The following LDLRAD2 variants were observed in gnomAD, a reference collection of about 807,000 sequenced individuals.
The protein encoded by LDLRAD2 is low-density lipoprotein receptor class A domain-containing protein 2.
LDLRAD2 carries 25 observed loss-of-function variants against 24.9 expected under a neutral mutation model. That is an observed-to-expected ratio of 1.00 (90% CI 0.73 to 1.40). LDLRAD2 has a LOEUF of 1.40. LDLRAD2 is among the 40% of genes most tolerant of loss of function. The probability of loss-of-function intolerance (pLI) is 0.00; values close to 1 mark genes in which losing one functional copy is unlikely to be tolerated. For synonymous variants in LDLRAD2, 182 were observed against 166.7 expected, an observed-to-expected ratio of 1.09 and a Z score of -0.71; for missense variants, 391 against 366.2, an observed-to-expected ratio of 1.07 and a Z score of -0.55.
Position 21,812,399 on chromosome 1 carries a change from C to T in LDLRAD2, c.-53C>T. ...CCATACTCCAGTCTCCCCAGAGACC[C>T]CAAGCTGAAGATTCTGTGGGTCTGC... On this transcript the variant is annotated 5_prime_UTR_variant, in exon 1 of 5. Transcript: ENST00000344642. The T allele has an allele frequency of 6.7e-7, 1 of 1,487,172 alleles. No homozygotes were observed. Among genetic ancestry groups the T allele is most frequent in the Non-Finnish European group, 9.4e-7 (1 of 1,066,464 alleles). The allele number at this position is 1,487,172 out of a possible 1,614,324, so 92.1% of individuals were successfully genotyped here. A position where few individuals can be genotyped will look rare whatever the true frequency, so the allele number is the denominator to read the frequency against.
chr1:21,820,472 G>T (rs1379321114), intron 3 of LDLRAD2, among the ~76,000 whole-genome samples: 6 of 139,734 alleles, frequency 4.3e-5, no homozygotes, highest in South Asian at 2.3e-4. Context: ...GCAGTGAGCC[G>T]AGATCCTGCC....
At chr1:21,818,877 G>GC (rs1192734914) in intron 3 of LDLRAD2, among the ~76,000 whole-genome samples, 1 of 33,214 alleles carries the variant, frequency 3.0e-5, no homozygotes, top group Non-Finnish European at 6.3e-5. Flanking sequence ...CCCGCCCCCC[G>GC]CCCCACCCCT....
Position 21,812,538 on chromosome 1 carries a change from T to C in LDLRAD2, c.85+2T>C, listed in dbSNP as rs2097939519. 1 of 1,613,690 alleles carries C rather than the reference T, an allele frequency of 6.2e-7. No homozygotes were observed. The highest frequency in any genetic ancestry group is 1.3e-5 in the African/African-American group (1 of 74,926). ...TGACTGCAACTGCTTTGGAGACAGG[T>C]AAGTATCAGGGGGCTTGGTTGGGGC... On this transcript the variant is annotated splice_donor_variant, in intron 1 of 4. Transcript: ENST00000344642. LOFTEE classifies it high-confidence loss of function.
At chr1:21,820,398 C>A (rs944731158) in intron 3 of LDLRAD2, among the ~76,000 whole-genome samples, 27 of 152,042 alleles carry the variant, frequency 1.8e-4, no homozygotes, top group African/African-American at 6.5e-4. Context: ...TGGCGGGCAC[C>A]TGTAGTCCCG....
In LDLRAD2 at chr1:21,823,350, T is replaced by C. The variant is rs1196970137; in HGVS notation, c.*1135T>C. On this transcript the variant is annotated 3_prime_UTR_variant, in exon 5 of 5. Coordinates refer to ENST00000344642, the MANE Select transcript of LDLRAD2 (RefSeq NM_001013693.3). The stretch of plus-strand genomic sequence containing the variant: ...GCAGGGGCGTGTGTTGGCCCCGGCC[T>C]GGGCGCGGTGCTGCAGGTCCAGGGG... The C allele has an allele frequency of 1.9e-6, 3 of 1,543,686 alleles. No homozygotes were observed. Among genetic ancestry groups the C allele is most frequent in the Non-Finnish European group, 2.6e-6 (3 of 1,148,260 alleles).
At chr1:21,816,538 G>A (rs2097944183) in intron 3 of LDLRAD2, among the ~76,000 whole-genome samples, 1 of 152,154 alleles carries the variant, frequency 6.6e-6, no homozygotes, top group Non-Finnish European at 1.5e-5. Flanking sequence ...TGAGTAAAAT[G>A]AGCAGGAATG....
Position 21,814,842 on chromosome 1 carries a change from C to A in LDLRAD2, c.511+19C>A. 6.8e-7 allele frequency: 1 copy of A among 1,468,330 alleles called. No homozygotes were observed. 91.0% of individuals were successfully genotyped at this position (1,468,330 alleles called of 1,614,324 possible). On this transcript the variant is annotated intron_variant, in intron 2 of 4. Coordinates refer to ENST00000344642, the MANE Select transcript of LDLRAD2 (RefSeq NM_001013693.3). ...CGTCTGGGTGAGCTGGGGCTGAAGG[C>A]CGGGACGGGACCCTCTGCAGAGGCC...
At chr1:21,813,748 T>A (rs187534441) in intron 1 of LDLRAD2, among the ~76,000 whole-genome samples, 180 of 152,330 alleles carry the variant, frequency 1.2e-3, no homozygotes, top group Non-Finnish European at 2.0e-3. Flanking sequence ...ACTGTTCCTC[T>A]GAAATGCTCT....
Position 21,824,180 on chromosome 1 carries a change from G to T in LDLRAD2, c.*1965G>T, listed in dbSNP as rs1347386962. The T allele has an allele frequency of 6.2e-7, 1 of 1,613,722 alleles. No homozygotes were observed. On this transcript the variant is annotated 3_prime_UTR_variant, in exon 5 of 5. Coordinates refer to ENST00000344642, the MANE Select transcript of LDLRAD2 (RefSeq NM_001013693.3). This position sits in a 1 kb window ranked among gnomAD's most constrained non-coding sequence, Gnocchi z 5.9. ...TGATGGGGTCCTCAGAGACCAGGCG[G>T]GCCTCCCCACTACCCAGCTGGTACC... is the stretch of plus-strand genomic sequence containing the variant.
At chr1:21,818,666 A>C (rs1369641235) in intron 3 of LDLRAD2, among the ~76,000 whole-genome samples, 1 of 152,174 alleles carries the variant, frequency 6.6e-6, no homozygotes, top group East Asian at 1.9e-4. Context: ...ATTCTTGGGA[A>C]GTCACTATGT....
Position 21,823,338 on chromosome 1 carries a change from T to C in LDLRAD2, c.*1123T>C, listed in dbSNP as rs535745871. 5 of 1,541,948 alleles carry C rather than the reference T, an allele frequency of 3.2e-6. No homozygotes were observed. In the African/African-American group the frequency reaches 6.8e-5, roughly 21 times the overall value. ...TGCCTACGAGGGGCAGGGGCGTGTG[T>C]TGGCCCCGGCCTGGGCGCGGTGCTG... is the stretch of plus-strand genomic sequence containing the variant. On this transcript the variant is annotated 3_prime_UTR_variant, in exon 5 of 5. Transcript: ENST00000344642.
chr1:21,822,077 A>T, intron 4 of LDLRAD2, 125 bp from the exon 5 acceptor site: 1 of 1,567,658 alleles, frequency 6.4e-7, no homozygotes, highest in African/African-American at 1.4e-5. Flanking sequence ...TCTGAGACTC[A>T]GCTGCCCCTC....
chr1:21,821,982 G>T, intron 4 of LDLRAD2: 1 of 1,425,506 alleles, frequency 7.0e-7, no homozygotes, highest in Non-Finnish European at 9.1e-7. Context: ...TCGGGCACAT[G>T]GGAATGATAC....
At chr1:21,819,305 A>AT (rs1392428199) in intron 3 of LDLRAD2, among the ~76,000 whole-genome samples, 1 of 151,982 alleles carries the variant, frequency 6.6e-6, no homozygotes, top group Non-Finnish European at 1.5e-5. Context: ...CCCGGGAGGC[A>AT]TAGGTTGCGG....
In LDLRAD2 at chr1:21,823,463, C is replaced by G. The variant is rs1006017692; in HGVS notation, c.*1248C>G. On this transcript the variant is annotated 3_prime_UTR_variant, in exon 5 of 5. Transcript: ENST00000344642. ...TGCCTGAGGAGAATCTGCCCCCGGT[C>G]AGCGTGGCCACGTCAGGGGCTCCGC... The G allele has an allele frequency of 3.8e-6, 6 of 1,597,362 alleles. No homozygotes were observed. The highest frequency in any genetic ancestry group is 5.1e-6 in the Non-Finnish European group (6 of 1,176,164).
chr1:21,813,054 T>A (rs1271136342), intron 1 of LDLRAD2, among the ~76,000 whole-genome samples: 1 of 152,236 alleles, frequency 6.6e-6, no homozygotes, highest in Non-Finnish European at 1.5e-5. Context: ...CCCAGCACTC[T>A]GTGATGCCGA....
Position 21,822,678 on chromosome 1 carries a change from T to G in LDLRAD2, c.*463T>G. 6.0e-6 allele frequency: 1 copy of G among 166,614 alleles called. No individual in the cohort carries two copies. 10.3% of individuals were successfully genotyped at this position (166,614 alleles called of 1,614,324 possible). A position where few individuals can be genotyped will look rare whatever the true frequency, so the allele number is the denominator to read the frequency against. The stretch of plus-strand genomic sequence containing the variant: ...CCTGAGGGAGGGACCCCAGGCTGTG[T>G]GCTGGCAGGAGGGGGTGGGAATGCA... On this transcript the variant is annotated 3_prime_UTR_variant, in exon 5 of 5. Coordinates refer to ENST00000344642, the MANE Select transcript of LDLRAD2 (RefSeq NM_001013693.3).
Position 21,821,459 on chromosome 1 carries a change from C to T in LDLRAD2, c.653C>T (p.Pro218Leu), listed in dbSNP as rs375729991. ...WSPADCRGPS[P>L]VPSQTGSTDA... ...GTTCTTTCCCATGCAGGTCCCTCTC[C>T]GGTGCCCAGCCAGACAGGAAGTACA... The change falls in exon 4 of 5, where the codon CCG (proline) becomes CTG (leucine). Residue 218 changes from proline (P) to leucine (L), a missense_variant. Coordinates refer to ENST00000344642, the MANE Select transcript of LDLRAD2 (RefSeq NM_001013693.3). 1.8e-5 allele frequency: 29 copies of T among 1,613,998 alleles called. No homozygotes were observed. Among genetic ancestry groups the T allele is most frequent in the Non-Finnish European group, 2.3e-5 (27 of 1,180,000 alleles).
intron 3 of LDLRAD2, among the ~76,000 whole-genome samples, chr1:21,820,016 T>C (rs61777193): frequency 0.36 from 54,432 of 151,912 alleles, 11,778 homozygotes; most frequent in Middle Eastern, 0.56. Context: ...ACTCACTATC[T>C]TGAGAACAGC....
Sources: allele counts gnomAD v4.1 joint callset (sites outside exome capture counted in the v4.1 genomes callset), GRCh38; gene constraint gnomAD v4.1.1; non-coding constraint Gnocchi (gnomAD v3.1); transcripts MANE v1.5; gene names NCBI Gene and HGNC (gene_info 2026-07-23, HGNC 2026-07-21).